JPH1: variants seen among roughly 807,000 people sequenced by gnomAD.
JPH1 encodes the protein junctophilin 1, also known as junctophilin-1.
In JPH1, 12 loss-of-function variants were observed where a neutral mutation model predicts 53.6. The observed-to-expected ratio is 0.22, with a 90% CI of 0.14 to 0.36. The LOEUF (loss-of-function observed/expected upper bound fraction) is 0.36. JPH1 is among the 10% of genes least tolerant of loss of function. JPH1 has a pLI of 1.00. For missense variants in JPH1, 808 were observed against 905.5 expected (o/e 0.89, Z 1.38); for synonymous variants, 375 against 363.8 (o/e 1.03, Z -0.35).
chr8:74,267,539 G>C (rs991848360), intron 2 of JPH1, among the ~76,000 whole-genome samples: 1 of 152,166 alleles, frequency 6.6e-6, no homozygotes, highest in African/African-American at 2.4e-5. Flanking sequence ...TGGAGAAGGT[G>C]AGGGCTAGGG....
At chr8:74,251,130 A>G (rs899556727) in intron 3 of JPH1, among the ~76,000 whole-genome samples, 1 of 152,180 alleles carries the variant, frequency 6.6e-6, no homozygotes, top group Non-Finnish European at 1.5e-5. Flanking sequence ...AGTTCCCTGC[A>G]TCCTTCCCCA....
chr8:74,247,433 C>T (rs1805889910), intron 3 of JPH1, among the ~76,000 whole-genome samples: 1 of 152,142 alleles, frequency 6.6e-6, no homozygotes, highest in Non-Finnish European at 1.5e-5. Context: ...GAAACAATTA[C>T]ATAAAATACA....
intron 2 of JPH1, among the ~76,000 whole-genome samples, chr8:74,275,082 A>G (rs1166816873): frequency 1.3e-5 from 2 of 152,250 alleles, no homozygotes; most frequent in African/African-American, 4.8e-5. Flanking sequence ...CAAGTAGTAA[A>G]TAACAGACTG....
At position 74,298,591 on chromosome 8, in the gene JPH1, T is replaced by C. The variant is rs562458872; in HGVS notation, c.1139+16270A>G. 2.6e-5 allele frequency among the ~76,000 whole-genome samples: 4 copies of C among 152,292 alleles called. No individual in the cohort carries two copies. The East Asian group carries it at 7.7e-4, about 29-fold the overall frequency. On this transcript the variant is annotated intron_variant, in intron 2 of 5. Coordinates refer to ENST00000342232, the MANE Select transcript of JPH1 (RefSeq NM_020647.4). ...TCCTTTAATAGTCAGGCACCCCTTATCTAATTGTCCTCTTCTCTTGCCATG... is the reference window on the plus strand; with the variant it reads ...TCCTTTAATAGTCAGGCACCCCTTACCTAATTGTCCTCTTCTCTTGCCATG...
Position 74,315,998 on chromosome 8 carries a change from A to G in JPH1, c.380-378T>C, listed in dbSNP as rs1170057736. Among the ~76,000 whole-genome samples, 3 of 152,222 alleles carry G rather than the reference A, an allele frequency of 2.0e-5. No individual in the cohort carries two copies. Among genetic ancestry groups the G allele is most frequent in the Admixed American group, 6.5e-5 (1 of 15,286 alleles). On this transcript the variant is annotated intron_variant, in intron 1 of 5. Coordinates refer to ENST00000342232, the MANE Select transcript of JPH1 (RefSeq NM_020647.4). This position sits in a 1 kb window ranked among gnomAD's most constrained non-coding sequence, Gnocchi z 6.3. ...CAAGGAAACAGTAGAAGATGAAATG[A>G]ATTCTATGTGTAAATTTTATTCTAA...
chr8:74,297,495 G>A (rs1031540735), intron 2 of JPH1, among the ~76,000 whole-genome samples: 2 of 152,124 alleles, frequency 1.3e-5, no homozygotes, highest in South Asian at 2.1e-4. Context: ...GTGCTTCGCG[G>A]GACTCTTAAC....
chr8:74,294,106 G>A (rs1400911928), intron 2 of JPH1, among the ~76,000 whole-genome samples: 1 of 152,142 alleles, frequency 6.6e-6, no homozygotes, highest in Non-Finnish European at 1.5e-5. Context: ...ACACCTGAGG[G>A]AACTCCTCTG....
chr8:74,259,208 C>CTTCT (rs1243149622), intron 3 of JPH1, among the ~76,000 whole-genome samples, 177 bp downstream of exon 3: 3 of 152,240 alleles, frequency 2.0e-5, no homozygotes, highest in Non-Finnish European at 4.4e-5. Context: ...ATCTGAAACA[C>CTTCT]TTCTGGTCCC....
intron 2 of JPH1, among the ~76,000 whole-genome samples, chr8:74,286,504 A>G (rs547880656): frequency 4.6e-5 from 7 of 152,320 alleles, no homozygotes; most frequent in Non-Finnish European, 7.3e-5. Flanking sequence ...CTGTACAACA[A>G]AACACCAGAA....
chr8:74,317,273 A>G (rs909628140), intron 1 of JPH1, among the ~76,000 whole-genome samples: 5 of 152,252 alleles, frequency 3.3e-5, no homozygotes, highest in African/African-American at 1.2e-4. Context: ...CACAGGCAAT[A>G]GTAGATATAC....
intron 2 of JPH1, among the ~76,000 whole-genome samples, chr8:74,306,490 A>G (rs1003406): frequency 0.2 from 31,112 of 152,152 alleles, 3,602 homozygotes; most frequent in East Asian, 0.32. Flanking sequence ...TCTAGGAGCA[A>G]ATTCCAGAAG....
intron 2 of JPH1, among the ~76,000 whole-genome samples, chr8:74,310,516 C>A (rs145844100): frequency 6.6e-6 from 1 of 152,142 alleles, no homozygotes; most frequent in African/African-American, 2.4e-5. Context: ...TCTATATCTA[C>A]GATGTGATAT....
At chr8:74,307,453 C>T (rs964632268) in intron 2 of JPH1, among the ~76,000 whole-genome samples, 17 of 152,212 alleles carry the variant, frequency 1.1e-4, no homozygotes, top group African/African-American at 3.6e-4. Flanking sequence ...CCTAGAAGCA[C>T]TGGTTACAAC....
At chr8:74,299,003 C>A (rs544056300) in intron 2 of JPH1, among the ~76,000 whole-genome samples, 1 of 152,280 alleles carries the variant, frequency 6.6e-6, no homozygotes, top group East Asian at 1.9e-4. Context: ...CAAAAAGCCA[C>A]GAAGACGACA....
Position 74,315,433 on chromosome 8 carries a change from G to C in JPH1, c.567C>G (p.Thr189=), listed in dbSNP as rs757760029. 6.8e-6 allele frequency: 11 copies of C among 1,611,460 alleles called. No individual in the cohort carries two copies. The African/African-American group carries it at 1.3e-4, about 20-fold the overall frequency. Residue 189 remains threonine (T), a synonymous_variant, in exon 2 of 6, where the codon ACC becomes ACG. Transcript: ENST00000342232. This position sits in a 1 kb window ranked among gnomAD's most constrained non-coding sequence, Gnocchi z 6.3. The part of the protein sequence containing the change: ...AAAAADSPAG[T]RGGFVLNFHA... ...GGAAGTTGAGCACGAAACCGCCGCG[G>C]GTGCCGGCCGGGCTGTCGGCGGCGG... is the stretch of plus-strand genomic sequence containing the variant.
chr8:74,272,195 T>C (rs1419320568), intron 2 of JPH1, among the ~76,000 whole-genome samples: 5 of 152,304 alleles, frequency 3.3e-5, no homozygotes, highest in East Asian at 3.9e-4. Context: ...AAATCCTCAT[T>C]TCCTGATCAA....
intron 2 of JPH1, among the ~76,000 whole-genome samples, chr8:74,303,459 A>T (rs1177410734): frequency 1.3e-5 from 2 of 152,188 alleles, no homozygotes; most frequent in African/African-American, 4.8e-5. Context: ...TGCTTAACTC[A>T]ACCAGCCACA....
intron 2 of JPH1, among the ~76,000 whole-genome samples, chr8:74,262,086 T>G (rs965150404): frequency 6.6e-6 from 1 of 152,128 alleles, no homozygotes; most frequent in African/African-American, 2.4e-5. Flanking sequence ...GACCTTTCTA[T>G]CCAGCCCAGC....
intron 2 of JPH1, among the ~76,000 whole-genome samples, chr8:74,264,699 A>AT (rs1806483603): frequency 6.6e-6 from 1 of 152,212 alleles, no homozygotes; most frequent in African/African-American, 2.4e-5. Context: ...TGTCAATGAG[A>AT]TAAAAAGTTA....
Sources: allele counts gnomAD v4.1 joint callset (sites outside exome capture counted in the v4.1 genomes callset), GRCh38; gene constraint gnomAD v4.1.1; non-coding constraint Gnocchi (gnomAD v3.1); transcripts MANE v1.5; gene names NCBI Gene and HGNC (gene_info 2026-07-23, HGNC 2026-07-21).